Variants in ARHGEF16 observed in about 807,000 individuals in gnomAD.
The protein encoded by ARHGEF16 is Rho guanine nucleotide exchange factor 16.
A neutral mutation model predicts 74.1 loss-of-function variants in ARHGEF16; 59 were observed. The observed-to-expected ratio is 0.80, with a 90% CI of 0.65 to 0.99. The LOEUF is 0.99. Ranked by LOEUF, ARHGEF16 falls within the 50% of genes least tolerant of loss-of-function variation. ARHGEF16 has a pLI of 0.00. For synonymous variants in ARHGEF16, 415 were observed against 412.6 expected (o/e 1.01, Z -0.07); for missense variants, 948 against 986.6 (o/e 0.96, Z 0.52).
At chr1:3,468,033 G>C (rs2100743628) in intron 4 of ARHGEF16, among the ~76,000 whole-genome samples, 1 of 152,268 alleles carries the variant, frequency 6.6e-6, no homozygotes, top group East Asian at 1.9e-4. Context: ...CCCCGGCCAG[G>C]GCAGGCCCAG....
At chr1:3,468,365 C>T (rs1019533187) in intron 4 of ARHGEF16, among the ~76,000 whole-genome samples, 3 of 152,202 alleles carry the variant, frequency 2.0e-5, no homozygotes, top group Non-Finnish European at 2.9e-5. Context: ...CTGGTCCTGA[C>T]GTGCTCTACC....
intron 12 of ARHGEF16, among the ~76,000 whole-genome samples, chr1:3,478,964 G>T (rs943120210): frequency 8.0e-5 from 12 of 150,642 alleles, no homozygotes; most frequent in Non-Finnish European, 1.6e-4. Flanking sequence ...AGGCCCCGAG[G>T]CAGGAGAGCC....
Position 3,473,167 on chromosome 1 carries a change from T to C in ARHGEF16, c.1112T>C (p.Phe371Ser), listed in dbSNP as rs746687298. The part of the protein sequence containing the change: ...DILEEHAEKH[F>S]HPYIAYCSNE... ...CTGGAGGAGCACGCTGAGAAGCACT[T>C]CCACCCCTACATCGCCTACTGCTCC... Residue 371 changes from phenylalanine (F) to serine (S), a missense_variant, in exon 7 of 15, where the codon TTC becomes TCC. By Grantham distance (155) the Phe-to-Ser change is radical. Coordinates refer to ENST00000378378, the MANE Select transcript of ARHGEF16 (RefSeq NM_014448.4). 2 of 1,613,194 alleles carry C rather than the reference T, an allele frequency of 1.2e-6. No homozygotes were observed. The highest frequency in any genetic ancestry group is 1.7e-6 in the Non-Finnish European group (2 of 1,179,830).
chr1:3,464,688 G>T (rs150888243), intron 2 of ARHGEF16, among the ~76,000 whole-genome samples: 8 of 152,218 alleles, frequency 5.3e-5, no homozygotes, highest in Non-Finnish European at 8.8e-5. Flanking sequence ...GGCAGGTGCT[G>T]TGTGACCCAG....
chr1:3,469,645 T>C (rs761553122), intron 6 of ARHGEF16, 52 bp downstream of exon 6: 1 of 1,600,586 alleles, frequency 6.2e-7, no homozygotes, highest in Non-Finnish European at 8.5e-7. Context: ...GGAAGGTGCC[T>C]CCCCCCGTGG....
At chr1:3,459,705 A>T (rs905979619) in intron 1 of ARHGEF16, among the ~76,000 whole-genome samples, 1 of 152,196 alleles carries the variant, frequency 6.6e-6, no homozygotes, top group Non-Finnish European at 1.5e-5. Context: ...ACGCCAGAAC[A>T]CTCAGGGAAA....
intron 1 of ARHGEF16, 95 bp downstream of exon 1, chr1:3,454,906 G>A (rs151279796): frequency 6.6e-6 from 1 of 152,048 alleles, no homozygotes; most frequent in African/African-American, 2.4e-5. Context: ...CCGGGAACCC[G>A]GGGCGCTTCT....
At position 3,463,396 on chromosome 1, in the gene ARHGEF16, C is replaced by T. The variant is rs1639453599; in HGVS notation, c.312C>T (p.Arg104=). 2 of 1,550,194 alleles carry T rather than the reference C, an allele frequency of 1.3e-6. No homozygotes were observed. The highest frequency in any genetic ancestry group is 1.4e-5 in the African/African-American group (1 of 73,166). Residue 104 remains arginine (R), a synonymous_variant, in exon 2 of 15, where the codon CGC becomes CGT. Coordinates refer to ENST00000378378, the MANE Select transcript of ARHGEF16 (RefSeq NM_014448.4). The part of the protein sequence containing the change: ...AVASKAKTPA[R]HQSFGAAVLS... ...CCAGCAAGGCAAAGACCCCAGCCCG[C>T]CACCAGAGCTTCGGGGCGGCTGTAC...
At chr1:3,468,680 C>T (rs570356800) in intron 4 of ARHGEF16, 200 bp from the exon 5 acceptor site, 3 of 624,356 alleles carry the variant, frequency 4.8e-6, no homozygotes, top group Non-Finnish European at 8.6e-6. Flanking sequence ...GGGGGCTGAC[C>T]CAAGGCGGGT....
chr1:3,475,971 T>C lies in ARHGEF16; in HGVS notation c.1382T>C (p.Leu461Pro). The change falls in exon 10 of 15, where the codon CTG (leucine) becomes CCG (proline). Residue 461 changes from leucine to proline, a missense_variant and splice_region_variant. By Grantham distance (98) the Leu-to-Pro change is moderately conservative. Transcript: ENST00000378378. ...ASRALKAISK[L>P]VRQCNEGAHR... ...TCACACGGGAACCATGCCCTGCAGC[T>C]GGTGAGGCAGTGCAACGAGGGGGCC... is the stretch of plus-strand genomic sequence containing the variant. 6.4e-7 allele frequency: 1 copy of C among 1,551,460 alleles called. No homozygotes were observed. Among genetic ancestry groups the C allele is most frequent in the Non-Finnish European group, 8.7e-7 (1 of 1,147,430 alleles).
Position 3,467,345 on chromosome 1 carries a change from C to T in ARHGEF16, c.804+8C>T, listed in dbSNP as rs539702909. On this transcript the variant is annotated splice_region_variant and intron_variant, in intron 4 of 14. Coordinates refer to ENST00000378378, the MANE Select transcript of ARHGEF16 (RefSeq NM_014448.4). ...TGGAGCCAGCTCCCAGAGGTAGCGC[C>T]GGAGGGTGGGTGAGGCTGCCCCACA... 5.0e-5 allele frequency: 77 copies of T among 1,544,608 alleles called. No individual in the cohort carries two copies. Among genetic ancestry groups the T allele is most frequent in the Non-Finnish European group, 6.2e-5 (71 of 1,143,260 alleles).
intron 10 of ARHGEF16, 52 bp from the exon 11 acceptor site, chr1:3,477,823 G>C: frequency 6.3e-7 from 1 of 1,590,122 alleles, no homozygotes; most frequent in Non-Finnish European, 8.6e-7. Flanking sequence ...CCCCGGCTCT[G>C]TCCCCCCCAG....
Position 3,463,537 on chromosome 1 carries a change from C to A in ARHGEF16, c.453C>A (p.Asn151Lys), listed in dbSNP as rs982553884. 3.4e-6 allele frequency: 5 copies of A among 1,467,834 alleles called. No homozygotes were observed. The highest frequency in any genetic ancestry group is 4.5e-6 in the Non-Finnish European group (5 of 1,106,598). 90.9% of individuals were successfully genotyped at this position (1,467,834 alleles called of 1,614,324 possible). ...GCATGCTGAGGCGGAACCTGCGGAA[C>A]CAATCCTACCGGGCGGCCATGAAGG... ...PGGMLRRNLR[N>K]QSYRAAMKGL... Residue 151 changes from asparagine (N) to lysine (K), a missense_variant, in exon 2 of 15, where the codon AAC becomes AAA. Transcript: ENST00000378378.
chr1:3,467,158 C>A lies in ARHGEF16; in HGVS notation c.635-10C>A. The A allele has an allele frequency of 6.5e-7, 1 of 1,548,398 alleles. No individual in the cohort carries two copies. Among genetic ancestry groups the A allele is most frequent in the Non-Finnish European group, 8.7e-7 (1 of 1,145,292 alleles). On this transcript the variant is annotated splice_polypyrimidine_tract_variant and intron_variant, in intron 3 of 14. Transcript: ENST00000378378. ...CCCAGGGCCACAGGTTACCCTCCTT[C>A]TCTCTCTAGACCCCCAGCTCTACCA...
At position 3,474,793 on chromosome 1, in the gene ARHGEF16, G is replaced by T; in HGVS notation, c.1380+11G>T. 1.2e-6 allele frequency: 2 copies of T among 1,612,330 alleles called. No homozygotes were observed. Among genetic ancestry groups the T allele is most frequent in the South Asian group, 1.1e-5 (1 of 91,082 alleles). ...AAGGCCATCAGCAAGGTAAGATGGGGCCTGGCCCCAGCCCTACCCGAGTCC... is the reference window on the plus strand; with the variant it reads ...AAGGCCATCAGCAAGGTAAGATGGGTCCTGGCCCCAGCCCTACCCGAGTCC... On this transcript the variant is annotated intron_variant, in intron 9 of 14. Transcript: ENST00000378378.
At position 3,466,220 on chromosome 1, in the gene ARHGEF16, G is replaced by A. The variant is rs749032002; in HGVS notation, c.634+27G>A. The A allele has an allele frequency of 5.2e-4, 794 of 1,533,344 alleles. 4 individuals are homozygous for A. The highest frequency in any genetic ancestry group is 1.7e-4 in the Middle Eastern group (1 of 5,946). 95.0% of individuals were successfully genotyped at this position (1,533,344 alleles called of 1,614,324 possible). On this transcript the variant is annotated intron_variant, in intron 3 of 14. Transcript: ENST00000378378. The stretch of plus-strand genomic sequence containing the variant: ...TGAGTGTGGCTTCGGGAGGCACCGC[G>A]GGCTGGGCTCCAGTTGAAACTGGTC...
intron 1 of ARHGEF16, among the ~76,000 whole-genome samples, chr1:3,461,167 T>G (rs1639383662): frequency 6.6e-6 from 1 of 152,216 alleles, no homozygotes; most frequent in African/African-American, 2.4e-5. Flanking sequence ...TGGTGGTTAT[T>G]GTTTTTATCT....
In ARHGEF16 at chr1:3,478,563, C is replaced by T. The variant is rs559918389; in HGVS notation, c.1765C>T (p.Arg589Cys). The change falls in exon 12 of 15, where the codon CGC becomes TGC. Residue 589 changes from arginine (R) to cysteine (C), a missense_variant. Transcript: ENST00000378378. ...VPHPFQVTLL[R>C]NSEGRQEQLL... ...CCACCCCTTCCAGGTGACCCTGCTTCGCAACAGCGAGGGCCGCCAGGAGCA... is the reference window on the plus strand; with the variant it reads ...CCACCCCTTCCAGGTGACCCTGCTTTGCAACAGCGAGGGCCGCCAGGAGCA... 39 of 1,612,552 alleles carry T rather than the reference C, an allele frequency of 2.4e-5. No individual in the cohort carries two copies. Among genetic ancestry groups the T allele is most frequent in the South Asian group, 2.3e-4 (21 of 91,056 alleles).
intron 6 of ARHGEF16, among the ~76,000 whole-genome samples, chr1:3,472,169 C>T (rs1011079627): frequency 1.3e-5 from 2 of 152,352 alleles, no homozygotes; most frequent in African/African-American, 2.4e-5. Context: ...CCTGGAGACA[C>T]GGATGTGGTC....
Sources: gnomAD v4.1 joint callset for allele counts (sites outside exome capture counted in the v4.1 genomes callset) on GRCh38, gnomAD v4.1.1 for gene constraint, MANE v1.5 for transcripts, NCBI Gene and HGNC (gene_info 2026-07-23, HGNC 2026-07-21) for gene names.